The following OR4F15 variants were observed in gnomAD, a reference collection of about 807,000 sequenced individuals.
The protein encoded by OR4F15 is olfactory receptor 4F15.
OR4F15 carries 7 observed loss-of-function variants against 11.9 expected under a neutral mutation model. The observed-to-expected ratio is 0.59, with a 90% CI of 0.33 to 1.10. The LOEUF is 1.10. OR4F15 is among the 50% of genes least tolerant of loss of function. The pLI is 0.03. For missense variants in OR4F15, 445 were observed against 377.5 expected, an observed-to-expected ratio of 1.18 and a Z score of -1.48; for synonymous variants, 151 against 134.6, an observed-to-expected ratio of 1.12 and a Z score of -0.84.
At chr15:101,814,648 T>C (rs1902959486) in intron 1 of OR4F15, among the ~76,000 whole-genome samples, 1 of 152,224 alleles carries the variant, frequency 6.6e-6, no homozygotes, top group Non-Finnish European at 1.5e-5. Context: ...TTCCACTTAA[T>C]GAACCATCTT....
At chr15:101,816,097 A>C (rs1902984470) in intron 1 of OR4F15, among the ~76,000 whole-genome samples, 1 of 152,202 alleles carries the variant, frequency 6.6e-6, no homozygotes, top group African/African-American at 2.4e-5. Flanking sequence ...TGTATAGAAT[A>C]ATGGCCTTCA....
Position 101,818,737 on chromosome 15 carries a change from T to C in OR4F15, c.551T>C (p.Leu184Pro), listed in dbSNP as rs554542725. Reference sequence around the variant, plus strand: ...AGTTTTTACTGTGATCTCCCTCGGCTCCTCAGACTTGCCTGTACCAACACC... The same window carrying C: ...AGTTTTTACTGTGATCTCCCTCGGCCCCTCAGACTTGCCTGTACCAACACC... ...FDSFYCDLPRLLRLACTNTQE... is the reference protein window; with the variant it reads ...FDSFYCDLPRPLRLACTNTQE... Residue 184 changes from leucine (L) to proline (P), a missense_variant, in exon 2 of 2, where the codon CTC (leucine) becomes CCC (proline). Leu to Pro is a moderately conservative substitution (Grantham distance 98, BLOSUM62 -3). Transcript: ENST00000332238. The C allele has an allele frequency of 6.8e-6, 11 of 1,614,202 alleles. No individual in the cohort carries two copies. In the South Asian group the frequency reaches 1.1e-4, roughly 16 times the overall value.
chr15:101,817,179 A>G (rs1289668293), intron 1 of OR4F15, among the ~76,000 whole-genome samples: 1 of 152,198 alleles, frequency 6.6e-6, no homozygotes, highest in Admixed American at 6.5e-5. Context: ...AATGAATAAT[A>G]AGACCCCATA....
rs1903027700 is a variant in OR4F15 at position 101,818,249 on chromosome 15, G to A, written c.63G>A (p.Arg21=). The A allele has an allele frequency of 6.2e-7, 1 of 1,613,954 alleles. No individual in the cohort carries two copies. Residue 21 remains arginine, a synonymous_variant, in exon 2 of 2, where the codon CGG becomes CGA. Coordinates refer to ENST00000332238, the MANE Select transcript of OR4F15 (RefSeq NM_001001674.2). ...TATTCATGGGACTCACCAACTCACG[G>A]GAGATTCAGCTTCTACTTTTTGTTT... ...EFVFMGLTNS[R]EIQLLLFVFS...
At chr15:101,814,652 C>A (rs1479435320) in intron 1 of OR4F15, among the ~76,000 whole-genome samples, 2 of 152,122 alleles carry the variant, frequency 1.3e-5, no homozygotes, top group Non-Finnish European at 2.9e-5. Context: ...ACTTAATGAA[C>A]CATCTTAGTC....
At chr15:101,815,083 G>C (rs1049925610) in intron 1 of OR4F15, among the ~76,000 whole-genome samples, 1 of 152,054 alleles carries the variant, frequency 6.6e-6, no homozygotes, top group Admixed American at 6.6e-5. Flanking sequence ...CCCATTTCTA[G>C]ACAAGTGTTT....
chr15:101,819,163 C>A lies in OR4F15; in HGVS notation c.*38C>A. On this transcript the variant is annotated 3_prime_UTR_variant, in exon 2 of 2. Coordinates refer to ENST00000332238, the MANE Select transcript of OR4F15 (RefSeq NM_001001674.2). ...TCAAGATGTGTAACTATGGATTACT[C>A]CTCATGCTGATTGCATAAAAGAAAC... is the stretch of plus-strand genomic sequence containing the variant. 1 of 1,362,458 alleles carries A rather than the reference C, an allele frequency of 7.3e-7. No individual in the cohort carries two copies. The highest frequency in any genetic ancestry group is 1.4e-5 in the South Asian group (1 of 72,694). The allele number at this position is 1,362,458 out of a possible 1,614,324, so 84.4% of individuals were successfully genotyped here.
In OR4F15 at chr15:101,818,414, T is replaced by A; in HGVS notation, c.228T>A (p.Ile76=). The change falls in exon 2 of 2, where the codon ATT becomes ATA. Residue 76 remains isoleucine, a synonymous_variant. Transcript: ENST00000332238. ...LSIIDMAFCS[I]TAPKMICDIF... ...TCATTGATATGGCATTTTGCTCAAT[T>A]ACAGCCCCTAAGATGATTTGTGATA... 6.2e-7 allele frequency: 1 copy of A among 1,614,150 alleles called. No individual in the cohort carries two copies. Among genetic ancestry groups the A allele is most frequent in the Non-Finnish European group, 8.5e-7 (1 of 1,179,978 alleles).
At position 101,819,713 on chromosome 15, in the gene OR4F15, C is replaced by T. The variant is rs1903071309; in HGVS notation, c.*588C>T. The T allele has an allele frequency of 6.6e-6, 1 of 152,604 alleles. No individual in the cohort carries two copies. Among genetic ancestry groups the T allele is most frequent in the Non-Finnish European group, 1.5e-5 (1 of 68,426 alleles). The allele number at this position is 152,604 out of a possible 1,614,324, so 9.5% of individuals were successfully genotyped here. On this transcript the variant is annotated 3_prime_UTR_variant, in exon 2 of 2. Coordinates refer to ENST00000332238, the MANE Select transcript of OR4F15 (RefSeq NM_001001674.2). ...ATTTTTAGTAGAGATGGAGTTTCAC[C>T]ATGTTGGCCAGGCTGGTCTGGAACC...
At position 101,819,985 on chromosome 15, in the gene OR4F15, A is replaced by G. The variant is rs1903077809; in HGVS notation, c.*860A>G. The stretch of plus-strand genomic sequence containing the variant: ...AATTTAAAGTTAGAGTGGATTACCA[A>G]CACCATCTGTTCCAATCCCCTCAAA... On this transcript the variant is annotated 3_prime_UTR_variant, in exon 2 of 2. Coordinates refer to ENST00000332238, the MANE Select transcript of OR4F15 (RefSeq NM_001001674.2). The G allele has an allele frequency of 6.6e-6, 1 of 152,200 alleles. No individual in the cohort carries two copies. The highest frequency in any genetic ancestry group is 1.5e-5 in the Non-Finnish European group (1 of 68,032). The allele number at this position is 152,200 out of a possible 1,614,324, so 9.4% of individuals were successfully genotyped here.
chr15:101,818,363 G>A lies in OR4F15; in HGVS notation c.177G>A (p.Met59Ile). The A allele has an allele frequency of 1.2e-6, 2 of 1,614,148 alleles. No homozygotes were observed. Among genetic ancestry groups the A allele is most frequent in the Non-Finnish European group, 8.5e-7 (1 of 1,180,000 alleles). ...TGGATGCTCATCTGCACTCCCCCAT[G>A]TATTTCCTCCTGGCTAACCTCTCAA... The part of the protein sequence containing the change: ...VTMDAHLHSP[M>I]YFLLANLSII... Residue 59 changes from methionine to isoleucine, a missense_variant, in exon 2 of 2, where the codon ATG becomes ATA. Coordinates refer to ENST00000332238, the MANE Select transcript of OR4F15 (RefSeq NM_001001674.2).
intron 1 of OR4F15, among the ~76,000 whole-genome samples, chr15:101,815,814 ATAAC>A (rs1264689828): frequency 6.6e-6 from 1 of 152,204 alleles, no homozygotes; most frequent in African/African-American, 2.4e-5. Context: ...TATACCTAGA[ATAAC>A]TATTTTTTAA....
intron 1 of OR4F15, among the ~76,000 whole-genome samples, chr15:101,815,053 A>G (rs1001405707): frequency 2.6e-5 from 4 of 152,052 alleles, no homozygotes; most frequent in African/African-American, 9.7e-5. Context: ...GATCAGAAGG[A>G]TTTATTTTTG....
At chr15:101,817,808 C>T (rs1193433459) in intron 1 of OR4F15, among the ~76,000 whole-genome samples, 1 of 152,064 alleles carries the variant, frequency 6.6e-6, no homozygotes, top group Non-Finnish European at 1.5e-5. Context: ...GAAATCATAT[C>T]CATTGATAAG....
chr15:101,818,811 G>A lies in OR4F15; in HGVS notation c.625G>A (p.Gly209Ser). The A allele has an allele frequency of 6.2e-7, 1 of 1,613,992 alleles. No homozygotes were observed. Among genetic ancestry groups the A allele is most frequent in the Non-Finnish European group, 8.5e-7 (1 of 1,180,000 alleles). The stretch of plus-strand genomic sequence containing the variant: ...TGTCAATAGTGGACTCATTTCTGTG[G>A]GCTCCTTTGTCTTGCTGGTAATTTC... ...VTVNSGLISV[G>S]SFVLLVISYI... Residue 209 changes from glycine to serine, a missense_variant, in exon 2 of 2, where the codon GGC (glycine) becomes AGC (serine). Coordinates refer to ENST00000332238, the MANE Select transcript of OR4F15 (RefSeq NM_001001674.2).
rs766390182 is a variant in OR4F15, at chr15:101,818,412, A to G, written c.226A>G (p.Ile76Val). 7 of 1,614,108 alleles carry G rather than the reference A, an allele frequency of 4.3e-6. No individual in the cohort carries two copies. The highest frequency in any genetic ancestry group is 3.3e-5 in the South Asian group (3 of 91,068). ...AATCATTGATATGGCATTTTGCTCAATTACAGCCCCTAAGATGATTTGTGA... is the reference window on the plus strand; with the variant it reads ...AATCATTGATATGGCATTTTGCTCAGTTACAGCCCCTAAGATGATTTGTGA... ...LSIIDMAFCSITAPKMICDIF... is the reference protein window; with the variant it reads ...LSIIDMAFCSVTAPKMICDIF... Residue 76 changes from isoleucine to valine, a missense_variant, in exon 2 of 2, where the codon ATT becomes GTT. Transcript: ENST00000332238.
Position 101,819,016 on chromosome 15 carries a change from T to G in OR4F15, c.830T>G (p.Phe277Cys). The G allele has an allele frequency of 6.2e-7, 1 of 1,614,060 alleles. No individual in the cohort carries two copies. Among genetic ancestry groups the G allele is most frequent in the Non-Finnish European group, 8.5e-7 (1 of 1,179,952 alleles). The stretch of plus-strand genomic sequence containing the variant: ...AAATATCTTGCTATTTTTGATGCAT[T>G]TATTACTCCTTTTCTGAATCCAGTT... ...LDKYLAIFDA[F>C]ITPFLNPVIY... The change falls in exon 2 of 2, where the codon TTT becomes TGT. Residue 277 changes from phenylalanine (F) to cysteine (C), a missense_variant. Physicochemically the swap from Phe to Cys is radical, Grantham distance 205 (BLOSUM62 -2). Coordinates refer to ENST00000332238, the MANE Select transcript of OR4F15 (RefSeq NM_001001674.2).
chr15:101,813,553 A>G (rs1377734833), intron 1 of OR4F15, among the ~76,000 whole-genome samples: 5 of 151,722 alleles, frequency 3.3e-5, no homozygotes, highest in Admixed American at 1.3e-4. Context: ...ATAATAGCTA[A>G]GAAATATATT....
intron 1 of OR4F15, among the ~76,000 whole-genome samples, chr15:101,816,838 A>C (rs567557070): frequency 1.3e-5 from 2 of 152,250 alleles, no homozygotes; most frequent in East Asian, 3.9e-4. Flanking sequence ...ACCATTCTTT[A>C]GTTTATTTTC....
Sources: gnomAD v4.1 joint callset for allele counts (sites outside exome capture counted in the v4.1 genomes callset) on GRCh38, gnomAD v4.1.1 for gene constraint, MANE v1.5 for transcripts, NCBI Gene and HGNC (gene_info 2026-07-23, HGNC 2026-07-21) for gene names.